DCHS2: variants seen among roughly 807,000 people sequenced by gnomAD.
The protein encoded by DCHS2 is dachsous cadherin-related 2.
A neutral mutation model predicts 182.4 loss-of-function variants in DCHS2; 142 were observed. That is an observed-to-expected ratio of 0.78 (90% CI 0.68 to 0.89). DCHS2 has a LOEUF of 0.89. DCHS2 is among the 40% of genes least tolerant of loss of function. The pLI, the probability that DCHS2 is intolerant of heterozygous loss-of-function variation, is 0.00. For synonymous variants in DCHS2, 1,740 were observed against 1,663.3 expected (o/e 1.05, Z -1.12); for missense variants, 4,319 against 4,198.6 (o/e 1.03, Z -0.79).
At chr4:154,273,333 A>T (rs1578893693) in intron 13 of DCHS2, among the ~76,000 whole-genome samples, 1 of 152,160 alleles carries the variant, frequency 6.6e-6, no homozygotes, top group Admixed American at 6.6e-5. Flanking sequence ...GGAGACTATT[A>T]TTCTAAGTGA....
chr4:154,481,863 C>T (rs1444157126), intron 1 of DCHS2, among the ~76,000 whole-genome samples: 1 of 152,116 alleles, frequency 6.6e-6, no homozygotes, highest in Non-Finnish European at 1.5e-5. Context: ...AGCTTTTATC[C>T]ACGGGATTAC....
chr4:154,286,084 C>A (rs545586826), intron 13 of DCHS2, among the ~76,000 whole-genome samples: 1 of 151,876 alleles, frequency 6.6e-6, no homozygotes, highest in Non-Finnish European at 1.5e-5. Context: ...GCCTGGTAAT[C>A]AAGATAATTC....
Position 154,235,056 on chromosome 4 carries a change from T to G in DCHS2, c.9596A>C (p.Asp3199Ala). 6.2e-7 allele frequency: 1 copy of G among 1,613,940 alleles called. No individual in the cohort carries two copies. Among genetic ancestry groups the G allele is most frequent in the East Asian group, 2.2e-5 (1 of 44,794 alleles). The part of the protein sequence containing the change: ...KREAKESILA[D>A]VRKESVFISG... Reference sequence around the variant, plus strand: ...AATAAAGACAGACTCTTTTCTAACGTCAGCCAGGATGCTCTCTTTTGCCTC... The same window carrying G: ...AATAAAGACAGACTCTTTTCTAACGGCAGCCAGGATGCTCTCTTTTGCCTC... The change falls in exon 20 of 20, where the codon GAC (aspartate) becomes GCC (alanine). Residue 3199 changes from aspartate to alanine, a missense_variant. By Grantham distance (126) the Asp-to-Ala change is moderately radical. Coordinates refer to ENST00000357232, the MANE Select transcript of DCHS2 (RefSeq NM_001358235.2).
intron 3 of DCHS2, among the ~76,000 whole-genome samples, chr4:154,365,036 A>G (rs1398522289): frequency 6.6e-6 from 1 of 152,150 alleles, no homozygotes. Context: ...ATTTAAACCA[A>G]TATTTTGTTA....
chr4:154,428,897 G>A (rs1201865184), intron 1 of DCHS2, among the ~76,000 whole-genome samples: 2 of 151,558 alleles, frequency 1.3e-5, no homozygotes, highest in Admixed American at 6.6e-5. Context: ...GTGACAGAGC[G>A]AGACTCCATC....
In DCHS2 at chr4:154,315,942, T is replaced by C; in HGVS notation, c.5066A>G (p.Gln1689Arg). 6.2e-7 allele frequency: 1 copy of C among 1,614,076 alleles called. No homozygotes were observed. Among genetic ancestry groups the C allele is most frequent in the Non-Finnish European group, 8.5e-7 (1 of 1,179,986 alleles). The change falls in exon 10 of 20, where the codon CAG becomes CGG. Residue 1689 changes from glutamine (Q) to arginine (R), a missense_variant. Transcript: ENST00000357232. ...CAGTGCCAGAACAGTCAGAATATGC[T>C]GAGTTTTCATTTCATAATCCAAAGG... is the stretch of plus-strand genomic sequence containing the variant. Reference protein sequence around the residue: ...TCPLDYEMKTQHILTVLALDD... With the variant: ...TCPLDYEMKTRHILTVLALDD...
intron 1 of DCHS2, among the ~76,000 whole-genome samples, chr4:154,464,752 G>T (rs1194174886): frequency 3.9e-5 from 6 of 152,104 alleles, no homozygotes; most frequent in Admixed American, 1.3e-4. Context: ...ATATCCTCTT[G>T]GTGCCCAGGC....
At chr4:154,331,833 G>T in intron 5 of DCHS2, 1 of 1,089,570 alleles carries the variant, frequency 9.2e-7, no homozygotes, top group Non-Finnish European at 1.2e-6. Context: ...ATGTTTCATT[G>T]TAAGGATTAA....
intron 12 of DCHS2, among the ~76,000 whole-genome samples, chr4:154,302,374 G>C (rs1735222708): frequency 6.6e-6 from 1 of 152,186 alleles, no homozygotes; most frequent in Non-Finnish European, 1.5e-5. Context: ...TTTGTGCAGG[G>C]TGGTTCTCAT....
Position 154,255,581 on chromosome 4 carries a change from A to C in DCHS2, c.6879T>G (p.Asp2293Glu), listed in dbSNP as rs781113097. 1.2e-6 allele frequency: 2 copies of C among 1,614,068 alleles called. No homozygotes were observed. The highest frequency in any genetic ancestry group is 1.7e-6 in the Non-Finnish European group (2 of 1,179,964). Residue 2293 changes from aspartate to glutamate, a missense_variant, in exon 16 of 20, where the codon GAT (aspartate) becomes GAG (glutamate). By Grantham distance (45) the Asp-to-Glu change is conservative (BLOSUM62 2). Transcript: ENST00000357232. ...SGNQEEAFQI[D>E]ALSGVITTKA... ...TTGTTGTTATCACACCACTCAGTGC[A>C]TCAATCTGGAATGCTTCTTCTTGGT...
intron 19 of DCHS2, among the ~76,000 whole-genome samples, chr4:154,237,970 A>G (rs370028284): frequency 6.6e-6 from 1 of 152,180 alleles, no homozygotes; most frequent in Non-Finnish European, 1.5e-5. Context: ...TAAACATTTA[A>G]TGTTTTAAAA....
intron 1 of DCHS2, among the ~76,000 whole-genome samples, chr4:154,455,961 A>G (rs1046750805): frequency 3.3e-5 from 5 of 152,026 alleles, no homozygotes; most frequent in Non-Finnish European, 7.4e-5. Flanking sequence ...ATGGTGGCAC[A>G]TGCCTGTAAT....
chr4:154,465,989 A>G (rs1337963346), intron 1 of DCHS2, among the ~76,000 whole-genome samples: 3 of 152,232 alleles, frequency 2.0e-5, no homozygotes, highest in African/African-American at 7.2e-5. Context: ...TAAAAGCTGT[A>G]TATTTTTTGT....
intron 1 of DCHS2, among the ~76,000 whole-genome samples, chr4:154,431,804 C>T (rs1444490799): frequency 6.6e-6 from 1 of 152,160 alleles, no homozygotes; most frequent in African/African-American, 2.4e-5. Context: ...CATACAGAAG[C>T]TGAATTCTTA....
At position 154,232,793 on chromosome 4, in the gene DCHS2, A is replaced by G. The variant is rs540765492; in HGVS notation, c.*1743T>C. On this transcript the variant is annotated 3_prime_UTR_variant, in exon 20 of 20. Transcript: ENST00000357232. ...CCAGATGCCAGGAAGAAAAGGAGAAACATCATATATCAGTCCCATAGTATT... is the reference window on the plus strand; with the variant it reads ...CCAGATGCCAGGAAGAAAAGGAGAAGCATCATATATCAGTCCCATAGTATT... 6.6e-6 allele frequency: 1 copy of G among 152,208 alleles called. No individual in the cohort carries two copies. The highest frequency in any genetic ancestry group is 6.5e-5 in the Admixed American group (1 of 15,280). 9.4% of individuals were successfully genotyped at this position (152,208 alleles called of 1,614,324 possible).
In DCHS2 at chr4:154,236,572, T is replaced by C. The variant is rs1446370017; in HGVS notation, c.8080A>G (p.Thr2694Ala). The C allele has an allele frequency of 6.2e-7, 1 of 1,613,932 alleles. No homozygotes were observed. The highest frequency in any genetic ancestry group is 8.5e-7 in the Non-Finnish European group (1 of 1,179,992). ...ITVVSANDRD[T>A]GSHAEIIYNI... is the part of the protein sequence containing the mutation. The stretch of plus-strand genomic sequence containing the variant: ...TAGATGATTTCTGCATGTGACCCTG[T>C]GTCACGGTCATTTGCTGAGACCACA... Residue 2694 changes from threonine (T) to alanine (A), a missense_variant, in exon 20 of 20, where the codon ACA becomes GCA. Coordinates refer to ENST00000357232, the MANE Select transcript of DCHS2 (RefSeq NM_001358235.2).
intron 1 of DCHS2, among the ~76,000 whole-genome samples, chr4:154,472,593 A>T (rs1735516358): frequency 6.6e-6 from 1 of 152,260 alleles, no homozygotes; most frequent in Non-Finnish European, 1.5e-5. Flanking sequence ...TGCAAGAGAA[A>T]GACTCATTCT....
chr4:154,261,237 T>C (rs1732971482), intron 14 of DCHS2, among the ~76,000 whole-genome samples: 1 of 152,200 alleles, frequency 6.6e-6, no homozygotes, highest in African/African-American at 2.4e-5. Flanking sequence ...CTGAGTCTCC[T>C]TTTCTATATA....
intron 11 of DCHS2, 51 bp downstream of exon 11, chr4:154,305,046 T>TA: frequency 6.6e-7 from 1 of 1,515,902 alleles, no homozygotes; most frequent in Non-Finnish European, 8.8e-7. Context: ...AGGTTTTTTT[T>TA]AAATTTAATT....
Sources: allele counts gnomAD v4.1 joint callset (sites outside exome capture counted in the v4.1 genomes callset), GRCh38; gene constraint gnomAD v4.1.1; transcripts MANE v1.5; gene names NCBI Gene and HGNC (gene_info 2026-07-23, HGNC 2026-07-21).